The following CACNA1E variants were observed in gnomAD, a reference collection of about 807,000 sequenced individuals.
CACNA1E encodes calcium voltage-gated channel subunit alpha1 E.
Under a neutral mutation model 259.2 loss-of-function variants are expected in CACNA1E, and 40 were observed. The observed-to-expected ratio is 0.15, with a 90% CI of 0.12 to 0.20. The LOEUF is 0.20. Ranked by LOEUF, CACNA1E falls within the 10% of genes least tolerant of loss-of-function variation. The pLI is 1.00. For synonymous variants in CACNA1E, 1,104 were observed against 1,138.5 expected, an observed-to-expected ratio of 0.97 and a Z score of 0.61; for missense variants, 1,874 against 3,040.1, an observed-to-expected ratio of 0.62 and a Z score of 9.02.
rs558731732 is a variant in CACNA1E, at chr1:181,803,809, T to G, written c.*4975T>G. ...AAGCCAAAGAGAAAAAATTCATAGA[T>G]TGTCCCAGCCTACCCAAAGGGCCTG... On this transcript the variant is annotated 3_prime_UTR_variant, in exon 48 of 48. Transcript: ENST00000367573. 1.3e-5 allele frequency: 2 copies of G among 152,154 alleles called. No homozygotes were observed. Among genetic ancestry groups the G allele is most frequent in the African/African-American group, 2.4e-5 (1 of 41,428 alleles). The allele number at this position is 152,154 out of a possible 1,614,324, so 9.4% of individuals were successfully genotyped here. A position where few individuals can be genotyped will look rare whatever the true frequency, so the allele number is the denominator to read the frequency against.
intron 1 of CACNA1E, among the ~76,000 whole-genome samples, chr1:181,410,695 G>A: frequency 6.6e-6 from 1 of 152,206 alleles, no homozygotes; most frequent in Non-Finnish European, 1.5e-5. Flanking sequence ...ATATAGTGGA[G>A]AAAACCATAA....
At chr1:181,391,451 G>A (rs1435055798) in intron 1 of CACNA1E, among the ~76,000 whole-genome samples, 1 of 152,144 alleles carries the variant, frequency 6.6e-6, no homozygotes, top group Non-Finnish European at 1.5e-5. Context: ...TGTTTACACT[G>A]GAGGCACCCA....
At chr1:181,460,848 C>T (rs1360079306) in intron 2 of CACNA1E, among the ~76,000 whole-genome samples, 2 of 152,070 alleles carry the variant, frequency 1.3e-5, no homozygotes, top group African/African-American at 2.4e-5. Flanking sequence ...TAGTTTGACC[C>T]GTTTCTAGGT....
intron 11 of CACNA1E, 60 bp downstream of exon 11, chr1:181,717,362 T>G: frequency 4.2e-6 from 6 of 1,420,892 alleles, no homozygotes; most frequent in Non-Finnish European, 6.0e-6. Flanking sequence ...CAGCTTGATG[T>G]GTGTGTGAAC....
At chr1:181,320,808 C>A (rs957476858) in intron 1 of CACNA1E, among the ~76,000 whole-genome samples, 2 of 152,152 alleles carry the variant, frequency 1.3e-5, no homozygotes, top group Non-Finnish European at 2.9e-5. Flanking sequence ...ACTCATGTTA[C>A]CCCCGTTTTT....
chr1:181,782,740 C>T (rs992834817), intron 39 of CACNA1E, among the ~76,000 whole-genome samples: 1 of 152,172 alleles, frequency 6.6e-6, no homozygotes, highest in African/African-American at 2.4e-5. Context: ...CCTCATTCCC[C>T]CCAGTACATG....
intron 6 of CACNA1E, among the ~76,000 whole-genome samples, chr1:181,593,364 G>A (rs1406309869): frequency 3.3e-5 from 5 of 152,114 alleles, no homozygotes; most frequent in African/African-American, 7.2e-5. Context: ...TGTTGTGAGC[G>A]TGCTCAGGTC....
intron 1 of CACNA1E, among the ~76,000 whole-genome samples, chr1:181,404,063 A>G (rs1011208715): frequency 6.6e-6 from 1 of 152,210 alleles, no homozygotes; most frequent in Non-Finnish European, 1.5e-5. Context: ...ATTGGCTTTA[A>G]ATGAGTCACA....
At chr1:181,764,631 T>C (rs1658872744) in intron 34 of CACNA1E, among the ~76,000 whole-genome samples, 1 of 152,186 alleles carries the variant, frequency 6.6e-6, no homozygotes, top group South Asian at 2.1e-4. Flanking sequence ...CCAGAGAAAG[T>C]GTTTGGCGTA....
chr1:181,553,718 G>A (rs958286596), intron 3 of CACNA1E, among the ~76,000 whole-genome samples: 1 of 152,196 alleles, frequency 6.6e-6, no homozygotes, highest in African/African-American at 2.4e-5. Context: ...ATGAAGGGAT[G>A]TAGAATTTAT....
intron 15 of CACNA1E, 147 bp downstream of exon 15, chr1:181,721,002 A>G (rs1302658875): frequency 1.6e-6 from 1 of 626,262 alleles, no homozygotes; most frequent in Non-Finnish European, 2.8e-6. Context: ...TTGAGCGGTC[A>G]TTACTACAAT....
chr1:181,332,739 AGT>A (rs1483045048), intron 1 of CACNA1E, among the ~76,000 whole-genome samples: 1 of 152,226 alleles, frequency 6.6e-6, no homozygotes, highest in Non-Finnish European at 1.5e-5. Flanking sequence ...TTAAACTTTG[AGT>A]GTGGTGATTA....
intron 6 of CACNA1E, among the ~76,000 whole-genome samples, chr1:181,623,852 T>A (rs1412019196): frequency 6.6e-6 from 1 of 152,222 alleles, no homozygotes; most frequent in African/African-American, 2.4e-5. Flanking sequence ...ATCTGAGTAG[T>A]GGTTGCTGAA....
At chr1:181,535,056 T>A (rs4573484) in intron 3 of CACNA1E, among the ~76,000 whole-genome samples, 1 of 151,914 alleles carries the variant, frequency 6.6e-6, no homozygotes, top group African/African-American at 2.4e-5. Context: ...CAATAGTGAC[T>A]ATTTCACTGT....
At chr1:181,579,833 T>A (rs1352744570) in intron 5 of CACNA1E, among the ~76,000 whole-genome samples, 1 of 152,332 alleles carries the variant, frequency 6.6e-6, no homozygotes, top group South Asian at 2.1e-4. Context: ...ACATTTTCCC[T>A]TCATGATCCT....
Position 181,517,834 on chromosome 1 carries a change from C to A in CACNA1E, c.512+6324C>A, listed in dbSNP as rs535365552. Among the ~76,000 whole-genome samples, 12 of 152,282 alleles carry A rather than the reference C, an allele frequency of 7.9e-5. 1 individual carries two copies. The South Asian group carries it at 2.5e-3, about 32-fold the overall frequency. ...TGCCCTAATACAAGAGTTTCCTGAG[C>A]AGCTAAAGATCGAGGAAAGCAGAGT... is the stretch of plus-strand genomic sequence containing the variant. On this transcript the variant is annotated intron_variant, in intron 3 of 47. Transcript: ENST00000367573.
chr1:181,406,013 T>C (rs1557977412), intron 1 of CACNA1E, among the ~76,000 whole-genome samples: 1 of 152,088 alleles, frequency 6.6e-6, no homozygotes, highest in Non-Finnish European at 1.5e-5. Flanking sequence ...AAAGGCAGAG[T>C]TGTGTAGTTG....
At chr1:181,351,254 G>C (rs1428522233) in intron 1 of CACNA1E, among the ~76,000 whole-genome samples, 1 of 152,184 alleles carries the variant, frequency 6.6e-6, no homozygotes, top group Non-Finnish European at 1.5e-5. Flanking sequence ...ACACAGTGGG[G>C]AGTGGATGTG....
At chr1:181,377,258 G>T (rs1655167080) in intron 1 of CACNA1E, among the ~76,000 whole-genome samples, 1 of 152,194 alleles carries the variant, frequency 6.6e-6, no homozygotes, top group Non-Finnish European at 1.5e-5. Context: ...TCTAAACATG[G>T]ATAGGAATTT....
Sources: allele counts gnomAD v4.1 joint callset (sites outside exome capture counted in the v4.1 genomes callset), GRCh38; gene constraint gnomAD v4.1.1; transcripts MANE v1.5; gene names NCBI Gene and HGNC (gene_info 2026-07-23, HGNC 2026-07-21).